The following TSGA10 variants were observed in gnomAD, a reference collection of about 807,000 sequenced individuals.
TSGA10 encodes testis-specific gene 10 protein.
TSGA10 carries 43 observed loss-of-function variants against 96.6 expected under a neutral mutation model. That is an observed-to-expected ratio of 0.44 (90% CI 0.35 to 0.57). The LOEUF (loss-of-function observed/expected upper bound fraction) is 0.57. Among genes scored for constraint, TSGA10 ranks in the 20% least tolerant of loss-of-function variants. The probability of loss-of-function intolerance (pLI) is 0.01; values close to 1 mark genes in which losing one functional copy is unlikely to be tolerated. For synonymous variants in TSGA10, 229 were observed against 269.9 expected, an observed-to-expected ratio of 0.85 and a Z score of 1.48; for missense variants, 703 against 834.4, an observed-to-expected ratio of 0.84 and a Z score of 1.94.
At chr2:99,121,694 A>G (rs1217856098) in intron 2 of TSGA10, among the ~76,000 whole-genome samples, 1 of 151,786 alleles carries the variant, frequency 6.6e-6, no homozygotes, top group African/African-American at 2.4e-5. Flanking sequence ...CCGGTCTTGA[A>G]CTCCTGGCCT....
intron 10 of TSGA10, chr2:99,102,172 A>G: frequency 1.3e-6 from 2 of 1,548,076 alleles, no homozygotes; most frequent in Non-Finnish European, 1.8e-6. Context: ...GAACTTCGGA[A>G]ATATGAAGCT....
chr2:99,109,252 C>CAGAA, intron 6 of TSGA10, 137 bp downstream of exon 6: 1 of 927,808 alleles, frequency 1.1e-6, no homozygotes, highest in Non-Finnish European at 1.7e-6. Flanking sequence ...ATCAAAGAGA[C>CAGAA]CTCTGTCTCT....
At chr2:99,011,187 C>T (rs369971168) in intron 20 of TSGA10, among the ~76,000 whole-genome samples, 3 of 152,294 alleles carry the variant, frequency 2.0e-5, no homozygotes, top group East Asian at 1.9e-4. Context: ...GGCTGTAGTA[C>T]GGTGGTGCAA....
At chr2:99,063,605 A>C (rs995121876) in intron 16 of TSGA10, among the ~76,000 whole-genome samples, 4 of 151,782 alleles carry the variant, frequency 2.6e-5, no homozygotes, top group African/African-American at 9.7e-5. Flanking sequence ...GAGATCGAGA[A>C]CAGCCTGGCC....
intron 17 of TSGA10, among the ~76,000 whole-genome samples, chr2:99,027,094 G>A (rs1017941469): frequency 6.6e-6 from 1 of 152,216 alleles, no homozygotes; most frequent in African/African-American, 2.4e-5. Context: ...AGCTCAGGCA[G>A]TAATGCTCAC....
intron 9 of TSGA10, 128 bp from the exon 10 acceptor site, chr2:99,104,246 C>T: frequency 4.8e-6 from 5 of 1,045,538 alleles, no homozygotes; most frequent in Admixed American, 2.5e-5. Context: ...TCAGGTTAGA[C>T]CTGACTGCTG....
chr2:99,095,734 T>C (rs2089967406), intron 10 of TSGA10, among the ~76,000 whole-genome samples: 1 of 152,160 alleles, frequency 6.6e-6, no homozygotes, highest in Non-Finnish European at 1.5e-5. Flanking sequence ...TCTGACTCTC[T>C]AGTTCAAGCG....
chr2:99,065,075 T>C lies in TSGA10; in HGVS notation c.1268A>G (p.Asp423Gly), dbSNP rs1405195110. The part of the protein sequence containing the change: ...MMEQLRKANE[D>G]AENWENKARQ... The stretch of plus-strand genomic sequence containing the variant: ...GGCTTTATTTTCCCAGTTTTCAGCA[T>C]CTTCATTGGCTTTTCGAAGTTGTTC... The change falls in exon 16 of 21, where the codon GAT becomes GGT. Residue 423 changes from aspartate to glycine, a missense_variant. Physicochemically the swap from Asp to Gly is moderately conservative, Grantham distance 94. This residue lies in a region of TSGA10 where 585 missense variants were observed against 656.8 expected (regional missense o/e 0.89). Coordinates refer to ENST00000393483, the MANE Select transcript of TSGA10 (RefSeq NM_025244.4). The C allele has an allele frequency of 6.8e-6, 11 of 1,613,876 alleles. 1 individual carries two copies. Among genetic ancestry groups the C allele is most frequent in the Middle Eastern group, 1.7e-4 (1 of 6,060 alleles).
In TSGA10 at chr2:99,136,661, T is replaced by A. The variant is rs1443293991; in HGVS notation, c.-620-9485A>T. Among the ~76,000 whole-genome samples the A allele has an allele frequency of 8.7e-5, 6 of 68,868 alleles. 3 individuals are homozygous for A. Among genetic ancestry groups the A allele is most frequent in the African/African-American group, 2.4e-4 (6 of 24,984 alleles). 45.2% of individuals were successfully genotyped at this position (68,868 alleles called of 152,430 possible). ...AAATACAAAAAAAATTAGCCGGGCG[T>A]AGTGGCGGGCGCCTGTAGTCCCAGC... On this transcript the variant is annotated intron_variant, in intron 1 of 20. Coordinates refer to ENST00000393483, the MANE Select transcript of TSGA10 (RefSeq NM_025244.4).
chr2:99,028,832 T>A (rs2080884975), intron 17 of TSGA10, among the ~76,000 whole-genome samples: 1 of 152,170 alleles, frequency 6.6e-6, no homozygotes, highest in African/African-American at 2.4e-5. Context: ...AGCAGTGGCT[T>A]TTTGAAAGCT....
chr2:99,059,480 C>CA (rs199997627), intron 16 of TSGA10, among the ~76,000 whole-genome samples: 8,409 of 150,024 alleles, frequency 0.056, 419 homozygotes, highest in East Asian at 0.21. Flanking sequence ...ATTAAAAATA[C>CA]AAAAAAAAAT....
chr2:99,025,590 T>C (rs576357123), intron 17 of TSGA10, among the ~76,000 whole-genome samples: 6 of 152,290 alleles, frequency 3.9e-5, no homozygotes, highest in African/African-American at 1.4e-4. Flanking sequence ...TTTCACTTAG[T>C]TTCTGTTCTA....
At chr2:99,028,003 A>G (rs2080789112) in intron 17 of TSGA10, among the ~76,000 whole-genome samples, 1 of 152,130 alleles carries the variant, frequency 6.6e-6, no homozygotes, top group South Asian at 2.1e-4. Flanking sequence ...TGCGGTATAT[A>G]GCCTCCGATG....
At chr2:99,123,197 T>A (rs1045083351) in intron 2 of TSGA10, among the ~76,000 whole-genome samples, 1 of 152,206 alleles carries the variant, frequency 6.6e-6, no homozygotes, top group Non-Finnish European at 1.5e-5. Flanking sequence ...TTTTTTAGTG[T>A]CTTGGCATGC....
chr2:99,120,683 T>C (rs982841221), intron 2 of TSGA10, among the ~76,000 whole-genome samples: 4 of 152,192 alleles, frequency 2.6e-5, no homozygotes, highest in African/African-American at 4.8e-5. Context: ...CCGCTGATAG[T>C]TGTGTCATAA....
chr2:99,040,051 CAT>C (rs1378001942), intron 16 of TSGA10, among the ~76,000 whole-genome samples: 1 of 152,060 alleles, frequency 6.6e-6, no homozygotes, highest in Non-Finnish European at 1.5e-5. Context: ...GCAGACAAAA[CAT>C]ATGACAAACT....
At chr2:99,034,948 C>G (rs1368739693) in intron 17 of TSGA10, among the ~76,000 whole-genome samples, 2 of 152,030 alleles carry the variant, frequency 1.3e-5, no homozygotes, top group African/African-American at 4.8e-5. Context: ...CTAAATAAAC[C>G]TCAACCTCAT....
At chr2:99,031,481 T>C (rs2081128699) in intron 17 of TSGA10, among the ~76,000 whole-genome samples, 1 of 152,032 alleles carries the variant, frequency 6.6e-6, no homozygotes, top group Non-Finnish European at 1.5e-5. Context: ...GCACAATCCA[T>C]AAAAGGAAAA....
At chr2:99,111,951 C>T (rs925224904) in intron 4 of TSGA10, among the ~76,000 whole-genome samples, 3 of 151,914 alleles carry the variant, frequency 2.0e-5, no homozygotes, top group Non-Finnish European at 2.9e-5. Context: ...TAAACATAAC[C>T]AAATAAACTG....
Sources: gnomAD v4.1 joint callset for allele counts (sites outside exome capture counted in the v4.1 genomes callset) on GRCh38, gnomAD v4.1.1 for gene constraint, gnomAD v4.1.1 regional missense constraint, MANE v1.5 for transcripts, NCBI Gene and HGNC (gene_info 2026-07-23, HGNC 2026-07-21) for gene names.